Variants in SH3RF1 observed in about 807,000 individuals in gnomAD.
SH3RF1 encodes E3 ubiquitin-protein ligase SH3RF1.
SH3RF1 carries 32 observed loss-of-function variants against 74.0 expected under a neutral mutation model. The observed-to-expected ratio is 0.43, with a 90% CI of 0.33 to 0.58. The LOEUF (loss-of-function observed/expected upper bound fraction) is 0.58. Among genes scored for constraint, SH3RF1 ranks in the 20% least tolerant of loss-of-function variants. The probability of loss-of-function intolerance (pLI) is 0.05; values close to 1 mark genes in which losing one functional copy is unlikely to be tolerated. For missense variants in SH3RF1, 954 were observed against 1,130.9 expected, an observed-to-expected ratio of 0.84 and a Z score of 2.24; for synonymous variants, 396 against 439.6, an observed-to-expected ratio of 0.90 and a Z score of 1.24.
intron 2 of SH3RF1, among the ~76,000 whole-genome samples, chr4:169,184,053 G>C (rs758960616): frequency 6.6e-6 from 1 of 152,104 alleles, no homozygotes; most frequent in East Asian, 1.9e-4. Flanking sequence ...GAGGCTGGAA[G>C]GTGTTCACAA....
chr4:169,259,025 T>C (rs1731232952), intron 2 of SH3RF1, among the ~76,000 whole-genome samples: 2 of 152,144 alleles, frequency 1.3e-5, no homozygotes, highest in Non-Finnish European at 2.9e-5. Flanking sequence ...TCACATAAAT[T>C]AAAACTAGAT....
intron 2 of SH3RF1, among the ~76,000 whole-genome samples, chr4:169,214,623 C>T (rs1223381354): frequency 6.6e-6 from 1 of 152,084 alleles, no homozygotes; most frequent in African/African-American, 2.4e-5. Context: ...GTTTTCCTTG[C>T]ACAGATATTG....
chr4:169,245,306 A>C (rs1263794393), intron 2 of SH3RF1, among the ~76,000 whole-genome samples: 1 of 152,186 alleles, frequency 6.6e-6, no homozygotes, highest in Non-Finnish European at 1.5e-5. Flanking sequence ...GAGCAAACCT[A>C]CTTAGATTTA....
intron 4 of SH3RF1, among the ~76,000 whole-genome samples, chr4:169,150,921 A>G (rs1733967048): frequency 6.6e-6 from 1 of 152,212 alleles, no homozygotes; most frequent in African/African-American, 2.4e-5. Context: ...TTTTAAAAAA[A>G]CAGGAAAAAA....
At chr4:169,229,493 G>T (rs1426676352) in intron 2 of SH3RF1, among the ~76,000 whole-genome samples, 2 of 148,008 alleles carry the variant, frequency 1.4e-5, no homozygotes, top group African/African-American at 2.5e-5. Flanking sequence ...AAACCTATTC[G>T]GTGGCCACAT....
At chr4:169,121,971 A>C in intron 7 of SH3RF1, 129 bp downstream of exon 7, 1 of 1,217,732 alleles carries the variant, frequency 8.2e-7, no homozygotes, top group Non-Finnish European at 1.1e-6. Flanking sequence ...AGAAGTTTGC[A>C]GGACACAGAC....
Position 169,115,770 on chromosome 4 carries a change from T to C in SH3RF1, c.2139+499A>G, listed in dbSNP as rs577381369. Among the ~76,000 whole-genome samples the C allele has an allele frequency of 3.3e-5, 5 of 152,300 alleles. No homozygotes were observed. The East Asian group carries it at 9.7e-4, about 29-fold the overall frequency. ...CCATGGTGCCCAGGTGCCCAGAAGG[T>C]TGGGGACCACTGTTGTAGATAAAAT... On this transcript the variant is annotated intron_variant, in intron 10 of 11. Coordinates refer to ENST00000284637, the MANE Select transcript of SH3RF1 (RefSeq NM_020870.4).
Position 169,167,944 on chromosome 4 carries a change from CT to C in SH3RF1, c.394-11266del, listed in dbSNP as rs1411306323. Among the ~76,000 whole-genome samples the C allele has an allele frequency of 4.6e-5, 7 of 152,200 alleles. No individual in the cohort carries two copies. In the South Asian group the frequency reaches 8.3e-4, roughly 18 times the overall value. On this transcript the variant is annotated intron_variant, in intron 2 of 11. Coordinates refer to ENST00000284637, the MANE Select transcript of SH3RF1 (RefSeq NM_020870.4). Reference sequence around the variant, plus strand: ...TTGAGGCTGGGAGTTCAAGATCAGCCTAGACAAAATAGTGAGTCCCTGTCTC... The same window carrying C: ...TTGAGGCTGGGAGTTCAAGATCAGCCAGACAAAATAGTGAGTCCCTGTCTC...
chr4:169,259,420 A>T (rs1731240015), intron 2 of SH3RF1, among the ~76,000 whole-genome samples: 1 of 152,098 alleles, frequency 6.6e-6, no homozygotes, highest in South Asian at 2.1e-4. Flanking sequence ...GAGCCCACTC[A>T]CACATCTATC....
intron 2 of SH3RF1, among the ~76,000 whole-genome samples, chr4:169,167,378 T>C (rs1230177045): frequency 6.6e-6 from 1 of 152,204 alleles, no homozygotes; most frequent in East Asian, 1.9e-4. Flanking sequence ...GGGGGTCTAA[T>C]ACTGATTGAA....
chr4:169,241,897 T>C (rs1730917807), intron 2 of SH3RF1, among the ~76,000 whole-genome samples: 1 of 152,122 alleles, frequency 6.6e-6, no homozygotes, highest in Admixed American at 6.5e-5. Flanking sequence ...GTTACCAGAC[T>C]TGCTCGTAGT....
chr4:169,148,869 A>G (rs1229093312), intron 4 of SH3RF1, among the ~76,000 whole-genome samples: 1 of 152,202 alleles, frequency 6.6e-6, no homozygotes, highest in African/African-American at 2.4e-5. Flanking sequence ...CTGTAAAGAG[A>G]GCAGTTCCAG....
At chr4:169,208,429 A>AT (rs1730296886) in intron 2 of SH3RF1, among the ~76,000 whole-genome samples, 2 of 152,232 alleles carry the variant, frequency 1.3e-5, no homozygotes, top group Admixed American at 1.3e-4. Flanking sequence ...AAAGATGAAA[A>AT]TTAAGTCCTA....
chr4:169,116,248 A>G (rs915815012), intron 10 of SH3RF1, 21 bp downstream of exon 10: 1 of 1,568,830 alleles, frequency 6.4e-7, no homozygotes, highest in Non-Finnish European at 8.7e-7. Flanking sequence ...GCAGAGAAAC[A>G]GTAAGTAAGT....
rs553764072 is a variant in SH3RF1 at position 169,214,100 on chromosome 4, A to G, written c.393+54720T>C. Among the ~76,000 whole-genome samples, 11 of 152,250 alleles carry G rather than the reference A, an allele frequency of 7.2e-5. No homozygotes were observed. In the South Asian group the frequency reaches 2.1e-3, roughly 29 times the overall value. ...ATCTCATGTTGAAATGTAATCCTCAATGTTGGAGGTGGGGCCTCGAGGGAA... is the reference window on the plus strand; with the variant it reads ...ATCTCATGTTGAAATGTAATCCTCAGTGTTGGAGGTGGGGCCTCGAGGGAA... On this transcript the variant is annotated intron_variant, in intron 2 of 11. Coordinates refer to ENST00000284637, the MANE Select transcript of SH3RF1 (RefSeq NM_020870.4).
Position 169,096,287 on chromosome 4 carries a change from T to A in SH3RF1, c.*232A>T. 2.6e-6 allele frequency: 1 copy of A among 391,144 alleles called. No homozygotes were observed. The highest frequency in any genetic ancestry group is 4.5e-6 in the Non-Finnish European group (1 of 222,508). 24.2% of individuals were successfully genotyped at this position (391,144 alleles called of 1,614,324 possible). A position where few individuals can be genotyped will look rare whatever the true frequency, so the allele number is the denominator to read the frequency against. ...AAAAAAAGTTTCTCTGTGTAGTAAATCAGACAGTACAAGGCACACCTTATA... is the reference window on the plus strand; with the variant it reads ...AAAAAAAGTTTCTCTGTGTAGTAAAACAGACAGTACAAGGCACACCTTATA... On this transcript the variant is annotated 3_prime_UTR_variant, in exon 12 of 12. Transcript: ENST00000284637.
At chr4:169,252,148 TA>T (rs1205792727) in intron 2 of SH3RF1, among the ~76,000 whole-genome samples, 5 of 152,250 alleles carry the variant, frequency 3.3e-5, no homozygotes, top group African/African-American at 1.2e-4. Flanking sequence ...TCACATTTTA[TA>T]GCATGTTGAG....
intron 2 of SH3RF1, among the ~76,000 whole-genome samples, chr4:169,203,789 C>T (rs976617952): frequency 5.3e-5 from 8 of 152,084 alleles, no homozygotes; most frequent in Non-Finnish European, 1.2e-4. Context: ...TTCCATACTC[C>T]CTACAAGATA....
chr4:169,119,708 A>AC (rs1354452566), intron 8 of SH3RF1, among the ~76,000 whole-genome samples: 2 of 152,190 alleles, frequency 1.3e-5, no homozygotes, highest in African/African-American at 4.8e-5. Flanking sequence ...ATCTGCAACA[A>AC]CAGTGATTTT....
Sources: gnomAD v4.1 joint callset for allele counts (sites outside exome capture counted in the v4.1 genomes callset) on GRCh38, gnomAD v4.1.1 for gene constraint, MANE v1.5 for transcripts, NCBI Gene and HGNC (gene_info 2026-07-23, HGNC 2026-07-21) for gene names.